The following NUTM2G variants were observed in gnomAD, a reference collection of about 807,000 sequenced individuals.
NUTM2G encodes the protein family with sequence similarity 22, member G.
NUTM2G carries 29 observed loss-of-function variants against 44.3 expected under a neutral mutation model. That is an observed-to-expected ratio of 0.66 (90% CI 0.49 to 0.89). The LOEUF is 0.89. Ranked by LOEUF, NUTM2G falls within the 40% of genes least tolerant of loss-of-function variation. The probability of loss-of-function intolerance (pLI) is 0.00; values close to 1 mark genes in which losing one functional copy is unlikely to be tolerated. For missense variants in NUTM2G, 502 were observed against 946.5 expected (o/e 0.53, Z 6.16); for synonymous variants, 205 against 395.9 (o/e 0.52, Z 5.72).
intron 2 of NUTM2G, chr9:96,933,525 C>T (rs1277681344): frequency 6.6e-6 from 1 of 151,950 alleles, no homozygotes; most frequent in African/African-American, 2.4e-5. Flanking sequence ...TGCCCGCCAC[C>T]ATGCCCGGCT....
Position 96,937,118 on chromosome 9 carries a change from C to G in NUTM2G, c.1037C>G (p.Pro346Arg). Residue 346 changes from proline (P) to arginine (R), a missense_variant, in exon 5 of 7, where the codon CCC (proline) becomes CGC (arginine). Pro to Arg is a moderately radical substitution (Grantham distance 103). Transcript: ENST00000372322. ...GCCCCGACTGCCTGCCTGCCACCAC[C>G]CAGGCCCCAGAGGCCAGCGGAGACC... The part of the protein sequence containing the change: ...PKAPTACLPP[P>R]RPQRPAETKA... The G allele has an allele frequency of 5.0e-6, 8 of 1,611,718 alleles. No homozygotes were observed. The highest frequency in any genetic ancestry group is 6.8e-6 in the Non-Finnish European group (8 of 1,179,724).
Position 96,938,863 on chromosome 9 carries a change from C to A in NUTM2G, c.1940C>A (p.Ser647Ter). 1.3e-6 allele frequency: 2 copies of A among 1,560,492 alleles called. No homozygotes were observed. Among genetic ancestry groups the A allele is most frequent in the Middle Eastern group, 1.7e-4 (1 of 5,854 alleles). ...CTGTCCCAGAGCCCTGTCCCTTCCT[C>A]GGGCCTTCTCAGCCCAGGAGGGAGA... ...WRLSQSPVPS[S>*]GLLSPGGRGP... The change falls in exon 7 of 7, where the codon TCG becomes TAG. Residue 647 changes from serine (S) to a stop codon, truncating the protein, a stop_gained. Coordinates refer to ENST00000372322, the MANE Select transcript of NUTM2G (RefSeq NM_001170741.3). LOFTEE classifies it low-confidence loss of function (END_TRUNC).
rs368343188 is a variant in NUTM2G at position 96,931,089 on chromosome 9, C to T, written c.17-633C>T. The stretch of plus-strand genomic sequence containing the variant: ...TTTTAGTAGAGATGGGGTTTCACCA[C>T]GTTGGCCAGACTGGTCTTCAACTCC... On this transcript the variant is annotated intron_variant, in intron 1 of 6. Coordinates refer to ENST00000372322, the MANE Select transcript of NUTM2G (RefSeq NM_001170741.3). 5.5e-4 allele frequency among the ~76,000 whole-genome samples: 83 copies of T among 151,830 alleles called. 5 individuals carry two copies. In the South Asian group the frequency reaches 0.017, roughly 31 times the overall value.
At chr9:96,929,201 G>C (rs935630508) in intron 1 of NUTM2G, among the ~76,000 whole-genome samples, 161 bp downstream of exon 1, 5 of 152,204 alleles carry the variant, frequency 3.3e-5, no homozygotes, top group Non-Finnish European at 7.3e-5. Flanking sequence ...GGCACCCTGA[G>C]TCTGTGGTTA....
chr9:96,936,335 C>T, intron 3 of NUTM2G, 90 bp from the exon 4 acceptor site: 1 of 1,534,664 alleles, frequency 6.5e-7, no homozygotes, highest in Non-Finnish European at 8.7e-7. Flanking sequence ...CGGAGGCACT[C>T]CCTCCCATCC....
rs1168888338 is a variant in NUTM2G, at chr9:96,930,872, G to GTTTTT, written c.17-814_17-810dup. Among the ~76,000 whole-genome samples the GTTTTT allele has an allele frequency of 1.4e-3, 103 of 72,722 alleles. 24 individuals carry two copies. The highest frequency in any genetic ancestry group is 3.0e-3 in the African/African-American group (52 of 17,570). 47.7% of individuals were successfully genotyped at this position (72,722 alleles called of 152,430 possible). ...GGCTTGGGCGAGTTTCCATCCAGTG[G>GTTTTT]TTTTTTTTTTTTTTTTTTTTTTTTT... On this transcript the variant is annotated intron_variant, in intron 1 of 6. Transcript: ENST00000372322.
intron 1 of NUTM2G, 105 bp from the exon 2 acceptor site, chr9:96,931,617 T>C (rs1826245286): frequency 5.1e-6 from 6 of 1,180,884 alleles, no homozygotes; most frequent in Non-Finnish European, 7.2e-6. Context: ...AGCTGCAGAG[T>C]TTCCCTGTCA....
At chr9:96,937,513 T>C in intron 5 of NUTM2G, 109 bp downstream of exon 5, 2 of 949,034 alleles carry the variant, frequency 2.1e-6, no homozygotes, top group Non-Finnish European at 3.2e-6. Context: ...TGTATTTCCA[T>C]GGATTTGAGT....
chr9:96,941,003 C>T (rs532430509), downstream of NUTM2G, among the ~76,000 whole-genome samples: 2 of 150,232 alleles, frequency 1.3e-5, no homozygotes, highest in East Asian at 2.0e-4. Context: ...GGGCAGCTCC[C>T]GTGACTCCTC....
At chr9:96,930,875 T>TTTTTTTTG (rs1826220768) in intron 1 of NUTM2G, among the ~76,000 whole-genome samples, 1 of 30,950 alleles carries the variant, frequency 3.2e-5, no homozygotes, top group African/African-American at 2.2e-4. Context: ...TCCAGTGGTT[T>TTTTTTTTG]TTTTTTTTTT....
Position 96,939,009 on chromosome 9 carries a change from A to C in NUTM2G, c.2086A>C (p.Thr696Pro). 6.7e-7 allele frequency: 1 copy of C among 1,493,152 alleles called. No homozygotes were observed. The highest frequency in any genetic ancestry group is 1.2e-5 in the South Asian group (1 of 80,584). 92.5% of individuals were successfully genotyped at this position (1,493,152 alleles called of 1,614,324 possible). ...TGGAAGCCCATCCCCTGCTGAAAAG[A>C]CACCGCACCCAGGGCCTGGGCTCAG... ...LFGSPSPAEK[T>P]PHPGPGLRVS... The change falls in exon 7 of 7, where the codon ACA becomes CCA. Residue 696 changes from threonine (T) to proline (P), a missense_variant. Physicochemically the swap from Thr to Pro is conservative, Grantham distance 38. Coordinates refer to ENST00000372322, the MANE Select transcript of NUTM2G (RefSeq NM_001170741.3).
chr9:96,933,030 A>T lies in NUTM2G; in HGVS notation c.713+612A>T, dbSNP rs1473545430. Among the ~76,000 whole-genome samples, 58 of 137,146 alleles carry T rather than the reference A, an allele frequency of 4.2e-4. 1 individual carries two copies. Among genetic ancestry groups the T allele is most frequent in the East Asian group, 3.9e-3 (18 of 4,612 alleles). The allele number at this position is 137,146 out of a possible 152,430, so 90.0% of individuals were successfully genotyped here. ...TCTCACTCTGTCGCCCAGGGTGGAG[A>T]GCAGTGGCGTGATCTCGGCTCACTG... is the stretch of plus-strand genomic sequence containing the variant. On this transcript the variant is annotated intron_variant, in intron 2 of 6. Coordinates refer to ENST00000372322, the MANE Select transcript of NUTM2G (RefSeq NM_001170741.3).
Position 96,937,230 on chromosome 9 carries a change from T to G in NUTM2G, c.1149T>G (p.Tyr383Ter), listed in dbSNP as rs1049006361. ...TCCCCCCTGAAGTGGTGCAGGAGTA[T>G]GTGGACATCATGGAGGAGCTGCTGG... Reference protein sequence around the residue: ...EEIPPEVVQEYVDIMEELLGS... With the variant: ...EEIPPEVVQE The change falls in exon 5 of 7, where the codon TAT becomes TAG. Residue 383 changes from tyrosine to a stop codon, truncating the protein, a stop_gained. Transcript: ENST00000372322. LOFTEE classifies it high-confidence loss of function. 6.2e-7 allele frequency: 1 copy of G among 1,612,958 alleles called. No individual in the cohort carries two copies. The highest frequency in any genetic ancestry group is 8.5e-7 in the Non-Finnish European group (1 of 1,179,836).
intron 2 of NUTM2G, among the ~76,000 whole-genome samples, chr9:96,934,448 G>T (rs1033453909): frequency 6.2e-4 from 94 of 151,924 alleles, no homozygotes; most frequent in African/African-American, 2.1e-3. Flanking sequence ...GTGCACTGGG[G>T]ACCCTGATTC....
intron 3 of NUTM2G, 61 bp downstream of exon 3, chr9:96,935,517 C>A: frequency 6.2e-7 from 1 of 1,611,346 alleles, no homozygotes; most frequent in Non-Finnish European, 8.5e-7. Context: ...TGACAGAGGC[C>A]CGGTGGCCGT....
At position 96,935,383 on chromosome 9, in the gene NUTM2G, C is replaced by A; in HGVS notation, c.769C>A (p.Leu257Met). ...RKPTMTLEEG[L>M]WRAMREWQHT... ...GCCCACCATGACGCTGGAGGAGGGA[C>A]TGTGGCGGGCCATGCGGGAATGGCA... The change falls in exon 3 of 7, where the codon CTG becomes ATG. Residue 257 changes from leucine (L) to methionine (M), a missense_variant. Leu to Met is a conservative substitution (Grantham distance 15). Coordinates refer to ENST00000372322, the MANE Select transcript of NUTM2G (RefSeq NM_001170741.3). The A allele has an allele frequency of 6.2e-7, 1 of 1,612,088 alleles. No homozygotes were observed. The highest frequency in any genetic ancestry group is 8.5e-7 in the Non-Finnish European group (1 of 1,179,874).
chr9:96,929,933 A>G (rs1826184785), intron 1 of NUTM2G, among the ~76,000 whole-genome samples: 2 of 151,458 alleles, frequency 1.3e-5, no homozygotes, highest in African/African-American at 4.8e-5. Flanking sequence ...CCTTTTCAGT[A>G]GAGGAAGGAG....
In NUTM2G at chr9:96,932,535, G is replaced by C. The variant is rs561623557; in HGVS notation, c.713+117G>C. 6.2e-6 allele frequency: 8 copies of C among 1,298,738 alleles called. No individual in the cohort carries two copies. In the South Asian group the frequency reaches 1.0e-4, roughly 17 times the overall value. 80.5% of individuals were successfully genotyped at this position (1,298,738 alleles called of 1,614,324 possible). A position where few individuals can be genotyped will look rare whatever the true frequency, so the allele number is the denominator to read the frequency against. On this transcript the variant is annotated intron_variant, in intron 2 of 6. Coordinates refer to ENST00000372322, the MANE Select transcript of NUTM2G (RefSeq NM_001170741.3). The stretch of plus-strand genomic sequence containing the variant: ...TGCAGGGCGGTTGTGAGGGTGATGG[G>C]TTGTGCTATGGGAAGGTACATTTTC...
At position 96,934,266 on chromosome 9, in the gene NUTM2G, G is replaced by A. The variant is rs554662684; in HGVS notation, c.714-1062G>A. Among the ~76,000 whole-genome samples the A allele has an allele frequency of 5.3e-5, 8 of 152,284 alleles. No individual in the cohort carries two copies. The South Asian group carries it at 1.0e-3, about 20-fold the overall frequency. ...GCACCTCTGTGACCCTTTGTTTCCC[G>A]CTGATGAGCAAACAGGAGCTTGAGC... On this transcript the variant is annotated intron_variant, in intron 2 of 6. Coordinates refer to ENST00000372322, the MANE Select transcript of NUTM2G (RefSeq NM_001170741.3).
Sources: allele counts gnomAD v4.1 joint callset (sites outside exome capture counted in the v4.1 genomes callset), GRCh38; gene constraint gnomAD v4.1.1; transcripts MANE v1.5; gene names NCBI Gene and HGNC (gene_info 2026-07-23, HGNC 2026-07-21).